SPATA17: variants seen among roughly 807,000 people sequenced by gnomAD.
SPATA17 encodes spermatogenesis-associated protein 17.
SPATA17 carries 53 observed loss-of-function variants against 62.2 expected under a neutral mutation model. That is an observed-to-expected ratio of 0.85 (90% CI 0.68 to 1.07). The LOEUF is 1.07. Among genes scored for constraint, SPATA17 ranks in the 50% least tolerant of loss-of-function variants. The pLI is 0.00. For synonymous variants in SPATA17, 146 were observed against 146.8 expected (o/e 0.99, Z 0.04); for missense variants, 466 against 425.5 (o/e 1.10, Z -0.84).
chr1:217,657,052 G>C (rs1195648379), intron 3 of SPATA17, among the ~76,000 whole-genome samples: 1 of 152,130 alleles, frequency 6.6e-6, no homozygotes, highest in African/African-American at 2.4e-5. Flanking sequence ...TCATTCAAAA[G>C]ATGTCCATTG....
intron 9 of SPATA17, among the ~76,000 whole-genome samples, chr1:217,854,776 C>T (rs1262450018): frequency 2.0e-5 from 3 of 152,164 alleles, no homozygotes; most frequent in Non-Finnish European, 2.9e-5. Context: ...ATTTCCTTCA[C>T]TTGGTTTCTA....
chr1:217,680,360 C>T (rs906802808), intron 4 of SPATA17, among the ~76,000 whole-genome samples: 5 of 152,134 alleles, frequency 3.3e-5, no homozygotes, highest in Admixed American at 3.3e-4. Flanking sequence ...AAAATATGCA[C>T]TTATTTGCAT....
chr1:217,748,085 C>T (rs1370268334), intron 6 of SPATA17, among the ~76,000 whole-genome samples: 3 of 151,914 alleles, frequency 2.0e-5, no homozygotes, highest in South Asian at 2.1e-4. Context: ...GGGCGGATCA[C>T]GAGGTCAGGA....
At chr1:217,767,227 A>T (rs765048920) in intron 6 of SPATA17, among the ~76,000 whole-genome samples, 11 of 152,094 alleles carry the variant, frequency 7.2e-5, no homozygotes, top group African/African-American at 9.7e-5. Context: ...GAGAAATTGG[A>T]TGTAAAATTC....
At chr1:217,808,929 G>A (rs1674513138) in intron 9 of SPATA17, among the ~76,000 whole-genome samples, 1 of 151,938 alleles carries the variant, frequency 6.6e-6, no homozygotes, top group Non-Finnish European at 1.5e-5. Context: ...TCTAAGATGA[G>A]AAGAGTTTAT....
chr1:217,770,987 T>A (rs1232396480), intron 6 of SPATA17, among the ~76,000 whole-genome samples: 14 of 120,152 alleles, frequency 1.2e-4, no homozygotes, highest in Non-Finnish European at 2.1e-4. Flanking sequence ...CATTTTTTTT[T>A]TTTTTTTTTT....
chr1:217,639,826 G>C lies in SPATA17; in HGVS notation c.68+8380G>C, dbSNP rs566376160. 5.3e-5 allele frequency among the ~76,000 whole-genome samples: 8 copies of C among 151,904 alleles called. No individual in the cohort carries two copies. In the South Asian group the frequency reaches 1.2e-3, roughly 24 times the overall value. On this transcript the variant is annotated intron_variant, in intron 1 of 10. Transcript: ENST00000366933. ...ATATCAATTTTTTCACCACTCTTCT[G>C]ACCCACATGTATGGTCTCTCAATGA... is the stretch of plus-strand genomic sequence containing the variant.
At chr1:217,642,574 C>G (rs1041336392) in intron 1 of SPATA17, among the ~76,000 whole-genome samples, 4 of 152,142 alleles carry the variant, frequency 2.6e-5, no homozygotes, top group Non-Finnish European at 5.9e-5. Context: ...TCCCCCTAAT[C>G]CTTACGTGTT....
At position 217,753,479 on chromosome 1, in the gene SPATA17, A is replaced by G. The variant is rs139021452; in HGVS notation, c.519+11381A>G. Among the ~76,000 whole-genome samples the G allele has an allele frequency of 2.1e-4, 32 of 152,188 alleles. 1 individual carries two copies. The highest frequency in any genetic ancestry group is 1.5e-3 in the South Asian group (7 of 4,816). ...GTTCTTTCTCTTTTTTTAAATTGAA[A>G]ACAAAATTTGGACATCAAACTCAGG... On this transcript the variant is annotated intron_variant, in intron 6 of 10. Transcript: ENST00000366933.
intron 1 of SPATA17, among the ~76,000 whole-genome samples, chr1:217,642,717 T>A (rs968835692): frequency 3.9e-5 from 6 of 152,212 alleles, no homozygotes; most frequent in African/African-American, 1.4e-4. Flanking sequence ...TTGCATGCTG[T>A]TTCTCACCTG....
At chr1:217,633,915 G>A (rs1217511379) in intron 1 of SPATA17, among the ~76,000 whole-genome samples, 1 of 152,152 alleles carries the variant, frequency 6.6e-6, no homozygotes, top group Non-Finnish European at 1.5e-5. Context: ...ATGTGGAAAC[G>A]AGAAGCTCCT....
At chr1:217,770,916 A>G (rs1286931874) in intron 6 of SPATA17, among the ~76,000 whole-genome samples, 2 of 144,528 alleles carry the variant, frequency 1.4e-5, no homozygotes, top group African/African-American at 2.5e-5. Flanking sequence ...TTAAGTTCCC[A>G]TGATGGAGAG....
chr1:217,840,989 AACAT>A (rs1675382083), intron 9 of SPATA17, among the ~76,000 whole-genome samples: 1 of 152,038 alleles, frequency 6.6e-6, no homozygotes, highest in African/African-American at 2.4e-5. Flanking sequence ...TGCATATATG[AACAT>A]ACATATATTC....
At chr1:217,636,090 G>GT (rs1669930666) in intron 1 of SPATA17, among the ~76,000 whole-genome samples, 1 of 124,280 alleles carries the variant, frequency 8.0e-6, no homozygotes, top group African/African-American at 3.3e-5. Flanking sequence ...CCGAGATCGT[G>GT]CCAATGCACT....
In SPATA17 at chr1:217,760,037, A is replaced by T. The variant is rs372240349; in HGVS notation, c.520-14297A>T. Among the ~76,000 whole-genome samples the T allele has an allele frequency of 2.6e-3, 399 of 152,338 alleles. 2 individuals are homozygous for T. Among genetic ancestry groups the T allele is most frequent in the Non-Finnish European group, 4.4e-3 (296 of 68,028 alleles). ...AAATGGAAAAAATAAAGACATATACAAGCAACCCAATAGTACACCCAAAAA... is the reference window on the plus strand; with the variant it reads ...AAATGGAAAAAATAAAGACATATACTAGCAACCCAATAGTACACCCAAAAA... On this transcript the variant is annotated intron_variant, in intron 6 of 10. Transcript: ENST00000366933.
chr1:217,749,985 C>CTCTCTCTCTATA, intron 6 of SPATA17, among the ~76,000 whole-genome samples: 20 of 12,308 alleles, frequency 1.6e-3, no homozygotes, highest in East Asian at 4.6e-3. Flanking sequence ...CTCTCTCTCT[C>CTCTCTCTCTATA]TATATATATA....
rs1030536743 is a variant in SPATA17 at position 217,650,946 on chromosome 1, T to C, written c.159-151T>C. 1.8e-4 allele frequency: 106 copies of C among 588,156 alleles called. 1 individual carries two copies. The African/African-American group carries it at 2.0e-3, about 11-fold the overall frequency. 36.4% of individuals were successfully genotyped at this position (588,156 alleles called of 1,614,324 possible). ...TCTTCCACTTCTAGAAATGATTAAT[T>C]CTATCCCACAATAACTTTCTACTGT... On this transcript the variant is annotated intron_variant, in intron 2 of 10. Coordinates refer to ENST00000366933, the MANE Select transcript of SPATA17 (RefSeq NM_138796.4).
chr1:217,799,827 A>G (rs1194498652), intron 8 of SPATA17, among the ~76,000 whole-genome samples: 1 of 152,100 alleles, frequency 6.6e-6, no homozygotes, highest in East Asian at 1.9e-4. Context: ...AAATTTTGGC[A>G]TATAGTAATG....
At chr1:217,760,632 A>G (rs1673150278) in intron 6 of SPATA17, among the ~76,000 whole-genome samples, 1 of 152,208 alleles carries the variant, frequency 6.6e-6, no homozygotes, top group African/African-American at 2.4e-5. Flanking sequence ...CTGGTGGGAA[A>G]TCAGTTTTTT....
Sources: allele counts gnomAD v4.1 joint callset (sites outside exome capture counted in the v4.1 genomes callset), GRCh38; gene constraint gnomAD v4.1.1; transcripts MANE v1.5; gene names NCBI Gene and HGNC (gene_info 2026-07-23, HGNC 2026-07-21).